The following MPV17 variants were observed in gnomAD, a reference collection of about 807,000 sequenced individuals.
The protein encoded by MPV17 is mitochondrial inner membrane protein MPV17, also known as MPV17, mitochondrial inner membrane protein.
A neutral mutation model predicts 28.6 loss-of-function variants in MPV17; 31 were observed. The ratio of observed to expected loss-of-function variants is 1.08; its 90% CI spans 0.81 to 1.46. The LOEUF (loss-of-function observed/expected upper bound fraction) is 1.46, where lower values mean the gene tolerates loss of function less well. Among genes scored for constraint, MPV17 ranks in the 40% most tolerant of loss-of-function variants. The probability of loss-of-function intolerance (pLI) is 0.00; values close to 1 mark genes in which losing one functional copy is unlikely to be tolerated. For missense variants in MPV17, 198 were observed against 216.2 expected (o/e 0.92, Z 0.53); for synonymous variants, 87 against 85.3 (o/e 1.02, Z -0.11).
intron 3 of MPV17, 103 bp from the exon 4 acceptor site, chr2:27,312,875 CTA>C: frequency 6.5e-7 from 1 of 1,541,214 alleles, no homozygotes; most frequent in Non-Finnish European, 9.0e-7. Flanking sequence ...GAAGTGGACA[CTA>C]AGAAAAAAGA....
Position 27,311,609 on chromosome 2 carries a change from C to T in MPV17, c.461+290G>A, listed in dbSNP as rs541635019. ...GGCTGCAGCACCCCAGCCACTGTCCCTCCAGATATGCCATCAAAGACGGAG... is the reference window on the plus strand; with the variant it reads ...GGCTGCAGCACCCCAGCCACTGTCCTTCCAGATATGCCATCAAAGACGGAG... On this transcript the variant is annotated intron_variant, in intron 7 of 7. Transcript: ENST00000380044. 47 of 1,550,574 alleles carry T rather than the reference C, an allele frequency of 3.0e-5. No homozygotes were observed. The South Asian group carries it at 5.4e-4, about 18-fold the overall frequency.
intron 7 of MPV17, chr2:27,311,413 T>C: frequency 1.5e-6 from 1 of 657,002 alleles, no homozygotes; most frequent in Non-Finnish European, 2.6e-6. Context: ...CCCTGTTCCC[T>C]CTGAAGCGTT....
chr2:27,316,182 T>C (rs1280245627), intron 2 of MPV17: 94 of 1,551,144 alleles, frequency 6.1e-5, no homozygotes, highest in East Asian at 5.6e-4. Context: ...CAGACAGCAA[T>C]ATTCCTGGGA....
At position 27,322,534 on chromosome 2, in the gene MPV17, A is replaced by G. The variant is rs1553385236; in HGVS notation, c.-5-12T>C. 2 of 1,612,870 alleles carry G rather than the reference A, an allele frequency of 1.2e-6. No homozygotes were observed. Among genetic ancestry groups the G allele is most frequent in the South Asian group, 1.1e-5 (1 of 91,068 alleles). ...GAGTGCCATGCTTCCTGTCAAGCCA[A>G]GAGGAGAGGGGGTCACCCCCACCGT... is the stretch of plus-strand genomic sequence containing the variant. On this transcript the variant is annotated splice_polypyrimidine_tract_variant and intron_variant, in intron 1 of 7. Coordinates refer to ENST00000380044, the MANE Select transcript of MPV17 (RefSeq NM_002437.5).
chr2:27,311,748 T>A, intron 7 of MPV17, 151 bp downstream of exon 7: 1 of 1,556,168 alleles, frequency 6.4e-7, no homozygotes, highest in Non-Finnish European at 8.7e-7. Flanking sequence ...ACATTCTGAA[T>A]AACACGCTTG....
chr2:27,317,996 G>A lies in MPV17; in HGVS notation c.70+4452C>T, dbSNP rs1465834705. Among the ~76,000 whole-genome samples the A allele has an allele frequency of 6.6e-6, 1 of 152,102 alleles. No homozygotes were observed. Among genetic ancestry groups the A allele is most frequent in the East Asian group, 1.9e-4 (1 of 5,206 alleles). The stretch of plus-strand genomic sequence containing the variant: ...GTGCCACACCTGGGCCTTTGCTATT[G>A]ATGGCTGCAGTGACTATGCATGTGT... On this transcript the variant is annotated intron_variant, in intron 2 of 7. Transcript: ENST00000380044. This position sits in a 1 kb window ranked among gnomAD's most constrained non-coding sequence, Gnocchi z 4.0.
chr2:27,317,114 G>C lies in MPV17; in HGVS notation c.71-4005C>G. 6.5e-7 allele frequency: 1 copy of C among 1,548,770 alleles called. No homozygotes were observed. Among genetic ancestry groups the C allele is most frequent in the Non-Finnish European group, 8.7e-7 (1 of 1,146,834 alleles). On this transcript the variant is annotated intron_variant, in intron 2 of 7. Transcript: ENST00000380044. This position sits in a 1 kb window ranked among gnomAD's most constrained non-coding sequence, Gnocchi z 4.0. ...TTGAGTTTCATGCGCAGAAGGCAGAGGGGCAAGAAGTGGCTTCTTGGAGTG... is the reference window on the plus strand; with the variant it reads ...TTGAGTTTCATGCGCAGAAGGCAGACGGGCAAGAAGTGGCTTCTTGGAGTG...
At chr2:27,316,137 C>T (rs199778838) in intron 2 of MPV17, 25 of 1,551,052 alleles carry the variant, frequency 1.6e-5, no homozygotes, top group Non-Finnish European at 2.0e-5. Context: ...CCCCCAAATT[C>T]CATCATTCTG....
At chr2:27,311,664 A>C in intron 7 of MPV17, 3 of 1,550,784 alleles carry the variant, frequency 1.9e-6, no homozygotes, top group Non-Finnish European at 2.6e-6. Context: ...AGGGTGGTAG[A>C]AGCAGGATCC....
chr2:27,322,687 GGAGTCGCCTTA>G (rs1434959233), intron 1 of MPV17, 165 bp from the exon 2 acceptor site: 21 of 639,300 alleles, frequency 3.3e-5, no homozygotes, highest in Non-Finnish European at 5.6e-5. Context: ...TCCTGTCGCA[GGAGTCGCCTTA>G]GACAATTGGG....
intron 7 of MPV17, among the ~76,000 whole-genome samples, chr2:27,310,801 G>C (rs1679405666): frequency 6.6e-6 from 1 of 152,076 alleles, no homozygotes; most frequent in African/African-American, 2.4e-5. Flanking sequence ...CTGGAGTGCG[G>C]TGGCAAGATC....
intron 6 of MPV17, 128 bp from the exon 7 acceptor site, chr2:27,312,079 T>G: frequency 1.4e-6 from 2 of 1,457,184 alleles, no homozygotes; most frequent in South Asian, 2.3e-5. Context: ...GGCTTCCCTA[T>G]TTATGGTGCC....
At position 27,317,404 on chromosome 2, in the gene MPV17, G is replaced by C. The variant is rs1464485752; in HGVS notation, c.71-4295C>G. Reference sequence around the variant, plus strand: ...GCTAGAAAATGAGACAAAACGGGTAGTTTTGCAGCTTGTTACGTATCTAAG... The same window carrying C: ...GCTAGAAAATGAGACAAAACGGGTACTTTTGCAGCTTGTTACGTATCTAAG... On this transcript the variant is annotated intron_variant, in intron 2 of 7. Coordinates refer to ENST00000380044, the MANE Select transcript of MPV17 (RefSeq NM_002437.5). The surrounding 1 kb of genome is among the most constrained non-coding windows in gnomAD (Gnocchi z 4.0). 6.6e-6 allele frequency among the ~76,000 whole-genome samples: 1 copy of C among 152,226 alleles called. No homozygotes were observed. Among genetic ancestry groups the C allele is most frequent in the Non-Finnish European group, 1.5e-5 (1 of 68,042 alleles).
rs879119740 is a variant in MPV17, at chr2:27,317,104, A to T, written c.71-3995T>A. The T allele has an allele frequency of 2.6e-6, 4 of 1,549,354 alleles. No individual in the cohort carries two copies. In the South Asian group the frequency reaches 4.8e-5, roughly 18 times the overall value. On this transcript the variant is annotated intron_variant, in intron 2 of 7. Coordinates refer to ENST00000380044, the MANE Select transcript of MPV17 (RefSeq NM_002437.5). This position sits in a 1 kb window ranked among gnomAD's most constrained non-coding sequence, Gnocchi z 4.0. Reference sequence around the variant, plus strand: ...TTTGTGGCTTTTGAGTTTCATGCGCAGAAGGCAGAGGGGCAAGAAGTGGCT... The same window carrying T: ...TTTGTGGCTTTTGAGTTTCATGCGCTGAAGGCAGAGGGGCAAGAAGTGGCT...
At chr2:27,315,852 G>A in intron 2 of MPV17, 3 of 1,316,196 alleles carry the variant, frequency 2.3e-6, no homozygotes, top group East Asian at 6.0e-5. Flanking sequence ...GTGAGCCACG[G>A]CACCCAGCCT....
chr2:27,322,377 G>A, intron 2 of MPV17, 71 bp downstream of exon 2: 2 of 1,241,748 alleles, frequency 1.6e-6, no homozygotes, highest in South Asian at 1.2e-5. Flanking sequence ...TGAGGGTGGT[G>A]CAGTGGGGCA....
intron 6 of MPV17, 89 bp from the exon 7 acceptor site, chr2:27,312,040 CACA>C: frequency 6.5e-7 from 1 of 1,532,364 alleles, no homozygotes; most frequent in South Asian, 1.1e-5. Flanking sequence ...AACTTCTGCA[CACA>C]AGAAAAAGGT....
chr2:27,311,043 T>C (rs35970521), intron 7 of MPV17: 1 of 51,048 alleles, frequency 2.0e-5, no homozygotes, highest in Non-Finnish European at 3.4e-5. Flanking sequence ...GTGTCCAGCC[T>C]TTTTTTTTTT....
chr2:27,323,006 G>A (rs556045361), intron 1 of MPV17, 46 bp downstream of exon 1: 3 of 168,956 alleles, frequency 1.8e-5, no homozygotes, highest in South Asian at 2.4e-4. Flanking sequence ...GGCACTCATG[G>A]CTTGCGACGC....
Sources: gnomAD v4.1 joint callset for allele counts (sites outside exome capture counted in the v4.1 genomes callset) on GRCh38, gnomAD v4.1.1 for gene constraint, Gnocchi (gnomAD v3.1) non-coding constraint, MANE v1.5 for transcripts, NCBI Gene and HGNC (gene_info 2026-07-23, HGNC 2026-07-21) for gene names.